The following PRELID2 variants were observed in gnomAD, a reference collection of about 807,000 sequenced individuals.
PRELID2 encodes the protein PRELI domain containing 2.
PRELID2 carries 25 observed loss-of-function variants against 28.4 expected under a neutral mutation model. That is an observed-to-expected ratio of 0.88 (90% CI 0.64 to 1.23). PRELID2 has a LOEUF of 1.23. Ranked by LOEUF, PRELID2 falls within the 50% of genes most tolerant of loss-of-function variation. PRELID2 has a pLI of 0.00. For synonymous variants in PRELID2, 76 were observed against 71.6 expected, an observed-to-expected ratio of 1.06 and a Z score of -0.31; for missense variants, 201 against 214.4, an observed-to-expected ratio of 0.94 and a Z score of 0.39.
intron 1 of PRELID2, among the ~76,000 whole-genome samples, chr5:145,511,717 G>T (rs1359705671): frequency 6.6e-6 from 1 of 152,228 alleles, no homozygotes; most frequent in Non-Finnish European, 1.5e-5. Context: ...GACAATGCCA[G>T]CATCTCTGTA....
the PRELID2 span, among the ~76,000 whole-genome samples, chr5:145,274,326 G>T: frequency 6.6e-6 from 1 of 152,134 alleles, no homozygotes; most frequent in Non-Finnish European, 1.5e-5. Flanking sequence ...TAGGTAGGGA[G>T]ATTAACAAGC....
the PRELID2 span, among the ~76,000 whole-genome samples, chr5:145,354,005 G>A: frequency 3.9e-5 from 6 of 152,250 alleles, no homozygotes; most frequent in Admixed American, 3.9e-4. Context: ...AGGAAGAAAG[G>A]ACACTCAGAA....
At chr5:145,568,976 T>C (rs957650097) in intron 1 of PRELID2, among the ~76,000 whole-genome samples, 2 of 152,276 alleles carry the variant, frequency 1.3e-5, no homozygotes, top group Non-Finnish European at 2.9e-5. Context: ...CCTTCTGGTC[T>C]ATTGCTGTTT....
At chr5:145,619,015 C>T (rs2149650421) in intron 1 of PRELID2, among the ~76,000 whole-genome samples, 1 of 152,232 alleles carries the variant, frequency 6.6e-6, no homozygotes, top group East Asian at 1.9e-4. Flanking sequence ...TCTGTAGAGC[C>T]AGTCTCACTC....
rs542597793 is a variant in PRELID2, at chr5:145,581,472, T to A, written n.71-108157A>T. On this transcript the variant is annotated intron_variant and non_coding_transcript_variant, in intron 1 of 2. Transcript: ENST00000510259. Reference sequence around the variant, plus strand: ...ATTTGCATTAATGCAGTAAGACAAGTCTCTTGCAGGTTTTTAATCTCCCCA... The same window carrying A: ...ATTTGCATTAATGCAGTAAGACAAGACTCTTGCAGGTTTTTAATCTCCCCA... 2.6e-5 allele frequency among the ~76,000 whole-genome samples: 4 copies of A among 152,172 alleles called. No homozygotes were observed. The South Asian group carries it at 6.2e-4, about 24-fold the overall frequency.
intron 1 of PRELID2, among the ~76,000 whole-genome samples, chr5:145,576,951 A>T (rs944343495): frequency 8.5e-5 from 13 of 152,260 alleles, no homozygotes; most frequent in African/African-American, 2.9e-4. Context: ...TATCCATGCC[A>T]GTCTCAGAGG....
At chr5:145,258,290 T>C in the PRELID2 span, among the ~76,000 whole-genome samples, 1 of 152,264 alleles carries the variant, frequency 6.6e-6, no homozygotes, top group East Asian at 1.9e-4. Flanking sequence ...ACTTTGGAAC[T>C]GGGTAACAGG....
At chr5:145,255,743 T>G in the PRELID2 span, among the ~76,000 whole-genome samples, 1 of 152,058 alleles carries the variant, frequency 6.6e-6, no homozygotes, top group African/African-American at 2.4e-5. Context: ...ATTGCAAAAC[T>G]GCACTCCAGC....
At chr5:145,258,030 T>C in the PRELID2 span, among the ~76,000 whole-genome samples, 1 of 152,214 alleles carries the variant, frequency 6.6e-6, no homozygotes, top group Admixed American at 6.5e-5. Flanking sequence ...CTCTTTTTCC[T>C]GCTCCTGCCA....
chr5:145,313,135 A>T, the PRELID2 span, among the ~76,000 whole-genome samples: 1 of 152,224 alleles, frequency 6.6e-6, no homozygotes, highest in African/African-American at 2.4e-5. Flanking sequence ...AGTTCATAGA[A>T]CTGGACTTTA....
intron 1 of PRELID2, among the ~76,000 whole-genome samples, chr5:145,543,217 C>T (rs1352213981): frequency 6.6e-6 from 1 of 152,102 alleles, no homozygotes; most frequent in Non-Finnish European, 1.5e-5. Flanking sequence ...ATGTACTCTC[C>T]ATGAGGACAA....
At chr5:145,420,989 A>G in the PRELID2 span, among the ~76,000 whole-genome samples, 2 of 141,760 alleles carry the variant, frequency 1.4e-5, no homozygotes, top group African/African-American at 2.7e-5. Flanking sequence ...TATTGAGATA[A>G]TCATGTGGTT....
At chr5:145,363,128 A>AAAAAC in the PRELID2 span, among the ~76,000 whole-genome samples, 1 of 151,878 alleles carries the variant, frequency 6.6e-6, no homozygotes, top group Non-Finnish European at 1.5e-5. Context: ...AAAAAAAAAA[A>AAAAAC]AAAACAGAGA....
At chr5:145,632,493 GA>G (rs578068215) in intron 1 of PRELID2, among the ~76,000 whole-genome samples, 56 of 152,282 alleles carry the variant, frequency 3.7e-4, no homozygotes, top group African/African-American at 1.3e-3. Flanking sequence ...CTTGTATATA[GA>G]GAATTTAATA....
At chr5:145,739,666 T>C (rs1756596081) in intron 1 of PRELID2, among the ~76,000 whole-genome samples, 1 of 152,042 alleles carries the variant, frequency 6.6e-6, no homozygotes, top group Non-Finnish European at 1.5e-5. Context: ...CAGATGAATG[T>C]ACAAGAAATA....
rs183289207 is a variant in PRELID2 at position 145,496,421 on chromosome 5, T to C, written n.71-23106A>G. Reference sequence around the variant, plus strand: ...AGTAGTAGGAAAATTAGGAGGTAAGTATATACAGAAAAAAAGAGATAACCT... The same window carrying C: ...AGTAGTAGGAAAATTAGGAGGTAAGCATATACAGAAAAAAAGAGATAACCT... On this transcript the variant is annotated intron_variant and non_coding_transcript_variant, in intron 1 of 2. Transcript: ENST00000510259. Among the ~76,000 whole-genome samples the C allele has an allele frequency of 5.1e-4, 77 of 152,150 alleles. 1 individual carries two copies. Among genetic ancestry groups the C allele is most frequent in the Middle Eastern group, 3.4e-3 (1 of 294 alleles).
intron 1 of PRELID2, among the ~76,000 whole-genome samples, chr5:145,474,984 T>C (rs1752086422): frequency 6.6e-6 from 1 of 152,210 alleles, no homozygotes; most frequent in African/African-American, 2.4e-5. Context: ...CTGTTATTTA[T>C]GGAAACTAAA....
chr5:145,658,055 G>C (rs541298025), intron 1 of PRELID2, among the ~76,000 whole-genome samples: 1 of 152,202 alleles, frequency 6.6e-6, no homozygotes, highest in South Asian at 2.1e-4. Flanking sequence ...TTAATATATT[G>C]AGTACCTCTT....
At chr5:145,423,885 T>C in the PRELID2 span, among the ~76,000 whole-genome samples, 1 of 147,772 alleles carries the variant, frequency 6.8e-6, no homozygotes, top group Admixed American at 6.8e-5. Context: ...TTTTGGTCTT[T>C]GATGTTGGTG....
Sources: allele counts gnomAD v4.1 joint callset (sites outside exome capture counted in the v4.1 genomes callset), GRCh38; gene constraint gnomAD v4.1.1; transcripts MANE v1.5; gene names NCBI Gene and HGNC (gene_info 2026-07-23, HGNC 2026-07-21).